The following HORMAD2 variants were observed in gnomAD, a reference collection of about 807,000 sequenced individuals.
HORMAD2 encodes HORMA domain containing 2, also known as HORMA domain-containing protein 2.
Under a neutral mutation model 38.8 loss-of-function variants are expected in HORMAD2, and 45 were observed. The observed-to-expected ratio is 1.16, with a 90% CI of 0.91 to 1.49. HORMAD2 has a LOEUF of 1.49. Among genes scored for constraint, HORMAD2 ranks in the 40% most tolerant of loss-of-function variants. The pLI is 0.00. For missense variants in HORMAD2, 338 were observed against 367.0 expected (o/e 0.92, Z 0.65); for synonymous variants, 126 against 122.8 (o/e 1.03, Z -0.17).
At chr22:30,207,233 T>A in the HORMAD2 span, 1 of 391,942 alleles carries the variant, frequency 2.6e-6, no homozygotes, top group South Asian at 1.9e-5. Context: ...GACAGGTGCA[T>A]GTGAAGATGA....
intron 10 of HORMAD2, chr22:30,136,867 C>T: frequency 1.0e-5 from 4 of 384,862 alleles, no homozygotes; most frequent in Non-Finnish European, 1.9e-5. Context: ...GATAGGCAAG[C>T]CTTTTCTATG....
intron 10 of HORMAD2, among the ~76,000 whole-genome samples, chr22:30,157,527 A>G (rs1019414148): frequency 2.0e-5 from 3 of 151,586 alleles, no homozygotes; most frequent in African/African-American, 7.3e-5. Flanking sequence ...TATGCACTAT[A>G]CCATAAAAAA....
At chr22:30,206,534 G>T in the HORMAD2 span, among the ~76,000 whole-genome samples, 1 of 152,068 alleles carries the variant, frequency 6.6e-6, no homozygotes, top group African/African-American at 2.4e-5. Context: ...CCAGGTTAGG[G>T]TGCAGTGGTG....
chr22:30,079,748 C>A (rs1367977712), upstream of HORMAD2, among the ~76,000 whole-genome samples: 1 of 151,902 alleles, frequency 6.6e-6, no homozygotes, highest in Non-Finnish European at 1.5e-5. Context: ...GGCGGAATCT[C>A]GGCTCACTGC....
chr22:30,175,517 A>T (rs1926402097), intron 10 of HORMAD2, among the ~76,000 whole-genome samples: 1 of 151,578 alleles, frequency 6.6e-6, no homozygotes, highest in Non-Finnish European at 1.5e-5. Flanking sequence ...AAGTTCTAAA[A>T]TCTTCACCAA....
At chr22:30,190,159 A>G in the HORMAD2 span, among the ~76,000 whole-genome samples, 4 of 152,206 alleles carry the variant, frequency 2.6e-5, no homozygotes, top group Non-Finnish European at 5.9e-5. Context: ...ACAAGTGAGG[A>G]CCAAGTGAAA....
chr22:30,095,905 A>G (rs961154653), intron 2 of HORMAD2, among the ~76,000 whole-genome samples: 1 of 152,134 alleles, frequency 6.6e-6, no homozygotes, highest in Non-Finnish European at 1.5e-5. Flanking sequence ...AAACCAGAAC[A>G]CTACCAGCAC....
the HORMAD2 span, among the ~76,000 whole-genome samples, chr22:30,189,221 G>A: frequency 6.6e-6 from 1 of 151,976 alleles, no homozygotes; most frequent in Non-Finnish European, 1.5e-5. Context: ...TTCTAGTCTT[G>A]GGGGAATGAC....
intron 2 of HORMAD2, 136 bp from the exon 3 acceptor site, chr22:30,098,715 CT>C (rs1920925466): frequency 1.6e-6 from 1 of 639,512 alleles, no homozygotes; most frequent in African/African-American, 1.9e-5. Context: ...ATTCAAAGCG[CT>C]ATTTCTTTTT....
At chr22:30,134,931 T>G (rs1009744029) in intron 10 of HORMAD2, among the ~76,000 whole-genome samples, 1 of 152,136 alleles carries the variant, frequency 6.6e-6, no homozygotes, top group African/African-American at 2.4e-5. Flanking sequence ...CACAAAAGGC[T>G]GTGTATATTT....
At chr22:30,196,926 C>T in the HORMAD2 span, among the ~76,000 whole-genome samples, 1,186 of 152,296 alleles carry the variant, frequency 7.8e-3, 12 homozygotes, top group Non-Finnish European at 0.014. Flanking sequence ...GAAGTTTACT[C>T]TCAATGTAAA....
rs779651508 is a variant in HORMAD2 at position 30,122,215 on chromosome 22, G to C, written c.819+1G>C. The C allele has an allele frequency of 1.0e-5, 16 of 1,605,854 alleles. No homozygotes were observed. The Admixed American group carries it at 2.0e-4, about 21-fold the overall frequency. ...TGAGGAAGAAGAATGCAATGACCAT[G>C]TAAGGCAAAGCTTTAGAGATTTTCT... On this transcript the variant is annotated splice_donor_variant, in intron 10 of 10. Coordinates refer to ENST00000336726, the MANE Select transcript of HORMAD2 (RefSeq NM_152510.4). LOFTEE classifies it high-confidence loss of function.
rs11912897 is a variant in HORMAD2, at chr22:30,128,436, T to C, written c.819+6222T>C. On this transcript the variant is annotated intron_variant, in intron 10 of 10. Coordinates refer to ENST00000336726, the MANE Select transcript of HORMAD2 (RefSeq NM_152510.4). The stretch of plus-strand genomic sequence containing the variant: ...TGTTCCACTTTAATCTTTATATTTT[T>C]AATTTTAATGACTTCTTGTTTTATT... Among the ~76,000 whole-genome samples the C allele has an allele frequency of 2.6e-5, 4 of 152,200 alleles. No individual in the cohort carries two copies. The South Asian group carries it at 6.2e-4, about 24-fold the overall frequency.
intron 10 of HORMAD2, among the ~76,000 whole-genome samples, chr22:30,147,714 A>C (rs1924504994): frequency 6.6e-6 from 1 of 152,202 alleles, no homozygotes; most frequent in Non-Finnish European, 1.5e-5. Context: ...ATATCTGACA[A>C]AGAACTTGTA....
At chr22:30,187,719 A>C in the HORMAD2 span, among the ~76,000 whole-genome samples, 1 of 152,238 alleles carries the variant, frequency 6.6e-6, no homozygotes, top group Non-Finnish European at 1.5e-5. Flanking sequence ...TAGCAGATGC[A>C]TTTTTTCCCC....
the HORMAD2 span, among the ~76,000 whole-genome samples, chr22:30,193,367 C>T: frequency 6.6e-6 from 1 of 152,140 alleles, no homozygotes; most frequent in African/African-American, 2.4e-5. Flanking sequence ...GGGACCAAGA[C>T]AGAAAGAGTC....
At chr22:30,176,035 T>C (rs772208551) in intron 10 of HORMAD2, 28 bp from the exon 11 acceptor site, 1 of 1,441,144 alleles carries the variant, frequency 6.9e-7, no homozygotes, top group South Asian at 1.1e-5. Flanking sequence ...CTCTGCTGAA[T>C]TGTGCCTCTC....
At chr22:30,194,025 C>T in the HORMAD2 span, among the ~76,000 whole-genome samples, 4 of 152,188 alleles carry the variant, frequency 2.6e-5, no homozygotes, top group Admixed American at 2.0e-4. Flanking sequence ...GCAGAGAATA[C>T]AGCCCCTTGC....
Position 30,140,193 on chromosome 22 carries a change from A to G in HORMAD2, c.819+17979A>G, listed in dbSNP as rs551462107. On this transcript the variant is annotated intron_variant, in intron 10 of 10. Transcript: ENST00000336726. The stretch of plus-strand genomic sequence containing the variant: ...GCACAAGAATTGCTTGAACCTGGGA[A>G]GCAGAGGTTGCCGTGAGCTGAGATA... Among the ~76,000 whole-genome samples, 3 of 152,198 alleles carry G rather than the reference A, an allele frequency of 2.0e-5. No homozygotes were observed. The East Asian group carries it at 5.8e-4, about 29-fold the overall frequency.
Sources: gnomAD v4.1 joint callset for allele counts (sites outside exome capture counted in the v4.1 genomes callset) on GRCh38, gnomAD v4.1.1 for gene constraint, MANE v1.5 for transcripts, NCBI Gene and HGNC (gene_info 2026-07-23, HGNC 2026-07-21) for gene names.